MX2: variants seen among roughly 807,000 people sequenced by gnomAD.
MX2 encodes the protein MX dynamin like GTPase 2.
Under a neutral mutation model 74.0 loss-of-function variants are expected in MX2, and 51 were observed. The ratio of observed to expected loss-of-function variants is 0.69; its 90% CI spans 0.55 to 0.87. The LOEUF (loss-of-function observed/expected upper bound fraction) is 0.87, where lower values mean the gene tolerates loss of function less well. MX2 is among the 40% of genes least tolerant of loss of function. The pLI, the probability that MX2 is intolerant of heterozygous loss-of-function variation, is 0.00. For missense variants in MX2, 832 were observed against 908.7 expected, an observed-to-expected ratio of 0.92 and a Z score of 1.09; for synonymous variants, 369 against 339.3, an observed-to-expected ratio of 1.09 and a Z score of -0.96.
At chr21:41,401,851 C>A in intron 10 of MX2, 119 bp from the exon 11 acceptor site, 1 of 1,101,736 alleles carries the variant, frequency 9.1e-7, no homozygotes, top group South Asian at 1.6e-5. Context: ...GAACAAAACT[C>A]CACTTTGCAA....
At position 41,406,952 on chromosome 21, in the gene MX2, T is replaced by C; in HGVS notation, c.1859T>C (p.Val620Ala). ...NSHFPSNESS[V>A]SSFTEIGIHL... ...CATTTTCCCAGTAATGAGTCTTCGG[T>C]TTCCTCCTTTACTGAAATAGGCATC... is the stretch of plus-strand genomic sequence containing the variant. The change falls in exon 13 of 14, where the codon GTT becomes GCT. Residue 620 changes from valine to alanine, a missense_variant. Transcript: ENST00000330714. 1 of 1,613,958 alleles carries C rather than the reference T, an allele frequency of 6.2e-7. No homozygotes were observed. Among genetic ancestry groups the C allele is most frequent in the Non-Finnish European group, 8.5e-7 (1 of 1,179,824 alleles).
rs117483459 is a variant in MX2, at chr21:41,388,291, C to T, written c.733-2274C>T. ...TCATGGACCACATTTCCTGTCACTG[C>T]GCCTTGGCCCCTCGCTCCACCCTAC... On this transcript the variant is annotated intron_variant, in intron 5 of 13. Transcript: ENST00000330714. This position sits in a 1 kb window ranked among gnomAD's most constrained non-coding sequence, Gnocchi z 4.0. Among the ~76,000 whole-genome samples, 375 of 152,306 alleles carry T rather than the reference C, an allele frequency of 2.5e-3. 2 individuals carry two copies. The highest frequency in any genetic ancestry group is 3.8e-3 in the Non-Finnish European group (260 of 68,008).
At chr21:41,407,895 A>G in intron 13 of MX2, 96 bp from the exon 14 acceptor site, 2 of 1,522,888 alleles carry the variant, frequency 1.3e-6, no homozygotes, top group East Asian at 2.3e-5. Flanking sequence ...TCGCCAGGCA[A>G]CCATGTGCGC....
At position 41,377,968 on chromosome 21, in the gene MX2, TC is replaced by T. The variant is rs776789875; in HGVS notation, c.432del (p.Arg145GlufsTer6). The T allele has an allele frequency of 6.2e-7, 1 of 1,613,338 alleles. No homozygotes were observed. The highest frequency in any genetic ancestry group is 8.5e-7 in the Non-Finnish European group (1 of 1,179,356). ...VLEALSGVAL[P>X]RGSGIVTRCP... ...TGGAGGCACTGTCAGGAGTCGCGCT[TC>T]CCAGAGGCAGCGGTAAGTTCAACGG... On this transcript the variant is annotated frameshift_variant, in exon 3 of 14. Transcript: ENST00000330714. LOFTEE classifies it high-confidence loss of function.
chr21:41,397,915 G>C (rs938758372), intron 8 of MX2, among the ~76,000 whole-genome samples: 1 of 152,116 alleles, frequency 6.6e-6, no homozygotes, highest in African/African-American at 2.4e-5. Context: ...TCAACAGGGG[G>C]GAAAAAGAAG....
At position 41,376,948 on chromosome 21, in the gene MX2, T is replaced by C. The variant is rs995999298; in HGVS notation, c.42T>C (p.Ser14=). The change falls in exon 2 of 14, where the codon AGT becomes AGC. Residue 14 remains serine, a synonymous_variant. Transcript: ENST00000330714. Reference sequence around the variant, plus strand: ...AGCCTTGGCCCTACCGGAGGAGAAGTCAATTTTCTTCTCGAAAATACCTGA... The same window carrying C: ...AGCCTTGGCCCTACCGGAGGAGAAGCCAATTTTCTTCTCGAAAATACCTGA... ...AHKPWPYRRR[S]QFSSRKYLKK... 9 of 1,613,844 alleles carry C rather than the reference T, an allele frequency of 5.6e-6. No homozygotes were observed. The highest frequency in any genetic ancestry group is 1.6e-4 in the Middle Eastern group (1 of 6,082).
Position 41,380,231 on chromosome 21 carries a change from C to T in MX2, c.577+80C>T. ...CGGTTCCTTCTCCTCTTCCTCAAGT[C>T]ACCCCCACAGTGACCACTCAGCTCC... On this transcript the variant is annotated intron_variant, in intron 4 of 13. Transcript: ENST00000330714. This position sits in a 1 kb window ranked among gnomAD's most constrained non-coding sequence, Gnocchi z 4.3. The T allele has an allele frequency of 6.3e-7, 1 of 1,585,954 alleles. No homozygotes were observed.
At chr21:41,404,313 T>TG in intron 12 of MX2, 1 of 152,718 alleles carries the variant, frequency 6.5e-6, no homozygotes, top group Non-Finnish European at 1.5e-5. Flanking sequence ...CAACAGAGCC[T>TG]GGGGGGCTCG....
At chr21:41,397,812 A>G in intron 8 of MX2, 121 bp downstream of exon 8, 1 of 746,612 alleles carries the variant, frequency 1.3e-6, no homozygotes, top group Non-Finnish European at 2.2e-6. Context: ...TACCCTCTGA[A>G]CACTGTCTCA....
chr21:41,386,219 CAAAAAAAAAA>C (rs59005802), intron 5 of MX2, among the ~76,000 whole-genome samples: 19 of 31,996 alleles, frequency 5.9e-4, no homozygotes, highest in East Asian at 1.1e-3. Context: ...TACTCCATCT[CAAAAAAAAAA>C]AAAAAAAAAA....
intron 1 of MX2, chr21:41,364,407 C>G (rs1167202748): frequency 6.6e-6 from 1 of 152,344 alleles, no homozygotes; most frequent in Non-Finnish European, 1.5e-5. Context: ...CTCTCAGGCT[C>G]CTGAGGACCC....
chr21:41,396,033 A>C (rs1028252785), intron 7 of MX2, among the ~76,000 whole-genome samples: 81 of 152,264 alleles, frequency 5.3e-4, no homozygotes, highest in African/African-American at 1.9e-3. Flanking sequence ...TTGGTTTCCC[A>C]AAATGTTTTC....
chr21:41,390,484 C>T, intron 5 of MX2, 81 bp from the exon 6 acceptor site: 1 of 1,585,500 alleles, frequency 6.3e-7, no homozygotes, highest in East Asian at 2.3e-5. Flanking sequence ...TTTGCGCCAT[C>T]ATGCCTGCCT....
At chr21:41,394,727 G>T (rs565947083) in intron 6 of MX2, among the ~76,000 whole-genome samples, 8 of 152,246 alleles carry the variant, frequency 5.3e-5, no homozygotes, top group African/African-American at 1.9e-4. Context: ...TGGATCATGA[G>T]GTCGGGAGTT....
At chr21:41,379,844 G>T (rs1359378005) in intron 3 of MX2, among the ~76,000 whole-genome samples, 173 bp from the exon 4 acceptor site, 4 of 152,196 alleles carry the variant, frequency 2.6e-5, no homozygotes, top group African/African-American at 4.8e-5. Context: ...CCAGGGCCCT[G>T]TGCCCCTTTG....
At chr21:41,382,691 C>T (rs1306486512) in intron 5 of MX2, 127 bp downstream of exon 5, 1 of 1,268,568 alleles carries the variant, frequency 7.9e-7, no homozygotes, top group Non-Finnish European at 1.1e-6. Context: ...CAGGTAAGAC[C>T]TGCCCAGGTG....
Position 41,402,982 on chromosome 21 carries a change from G to C in MX2, c.1574-285G>C, listed in dbSNP as rs143092917. The C allele has an allele frequency of 5.1e-4, 192 of 372,958 alleles. No individual in the cohort carries two copies. Among genetic ancestry groups the C allele is most frequent in the African/African-American group, 3.7e-3 (181 of 48,434 alleles). 23.1% of individuals were successfully genotyped at this position (372,958 alleles called of 1,614,324 possible). A position where few individuals can be genotyped will look rare whatever the true frequency, so the allele number is the denominator to read the frequency against. ...CCGGACACGGACTGGAACTGGTCCAGCCTGGGAGTTGGGGACCCCTGATGT... is the reference window on the plus strand; with the variant it reads ...CCGGACACGGACTGGAACTGGTCCACCCTGGGAGTTGGGGACCCCTGATGT... On this transcript the variant is annotated intron_variant, in intron 11 of 13. Transcript: ENST00000330714. The surrounding 1 kb of genome is among the most constrained non-coding windows in gnomAD (Gnocchi z 4.5).
chr21:41,408,116 GC>G lies in MX2; in HGVS notation c.2032del (p.Leu678CysfsTer105). The G allele has an allele frequency of 6.2e-7, 1 of 1,614,156 alleles. No individual in the cohort carries two copies. The highest frequency in any genetic ancestry group is 8.5e-7 in the Non-Finnish European group (1 of 1,180,036). ...TACAGGAAAAAAATCGCTATTCCTG[GC>G]TGCTTCAAGAGCAGAGTGAGACCGC... ...ILQEKNRYSWLLQEQSETATK... is the reference protein window; with the variant it reads ...ILQEKNRYSWXLQEQSETATK... On this transcript the variant is annotated frameshift_variant, in exon 14 of 14. Coordinates refer to ENST00000330714, the MANE Select transcript of MX2 (RefSeq NM_002463.2). LOFTEE classifies it low-confidence loss of function (END_TRUNC).
chr21:41,403,336 C>G lies in MX2; in HGVS notation c.1643C>G (p.Thr548Ser), dbSNP rs142430088. ...HFGEFFNLNQ[T>S]VQSTIEDIKV... ...GGCGAATTTTTCAACCTTAACCAAACTGTTCAGGTAAGCACCCAGAGTTCA... is the reference window on the plus strand; with the variant it reads ...GGCGAATTTTTCAACCTTAACCAAAGTGTTCAGGTAAGCACCCAGAGTTCA... Residue 548 changes from threonine (T) to serine (S), a missense_variant, in exon 12 of 14, where the codon ACT (threonine) becomes AGT (serine). Transcript: ENST00000330714. 46 of 1,612,610 alleles carry G rather than the reference C, an allele frequency of 2.9e-5. No individual in the cohort carries two copies. The African/African-American group carries it at 6.0e-4, about 21-fold the overall frequency.
Sources: gnomAD v4.1 joint callset for allele counts (sites outside exome capture counted in the v4.1 genomes callset) on GRCh38, gnomAD v4.1.1 for gene constraint, Gnocchi (gnomAD v3.1) non-coding constraint, MANE v1.5 for transcripts, NCBI Gene and HGNC (gene_info 2026-07-23, HGNC 2026-07-21) for gene names.